The following LDB3 variants were observed in gnomAD, a reference collection of about 807,000 sequenced individuals.
LDB3 encodes the protein LIM domain binding 3.
LDB3 carries 49 observed loss-of-function variants against 69.0 expected under a neutral mutation model. The ratio of observed to expected loss-of-function variants is 0.71; its 90% confidence interval spans 0.56 to 0.90. The LOEUF (loss-of-function observed/expected upper bound fraction) is 0.90, where lower values mean the gene tolerates loss of function less well. Among genes scored for constraint, LDB3 ranks in the 40% least tolerant of loss-of-function variants. LDB3 has a pLI of 0.00. For synonymous variants in LDB3, 387 were observed against 396.2 expected, an observed-to-expected ratio of 0.98 and a Z score of 0.28; for missense variants, 928 against 974.1, an observed-to-expected ratio of 0.95 and a Z score of 0.63.
In LDB3 at chr10:86,699,678, G is replaced by A; in HGVS notation, c.897-6853G>A. The A allele has an allele frequency of 8.0e-7, 1 of 1,245,362 alleles. No individual in the cohort carries two copies. The highest frequency in any genetic ancestry group is 1.7e-5 in the South Asian group (1 of 57,336). The allele number at this position is 1,245,362 out of a possible 1,614,324, so 77.1% of individuals were successfully genotyped here. ...CTTAGCTGTAGACCAGAGAGGGCAG[G>A]AGGGGTTTGCTGGCATAACACCCCA... On this transcript the variant is annotated intron_variant, in intron 7 of 13. Transcript: ENST00000361373. This position sits in a 1 kb window ranked among gnomAD's most constrained non-coding sequence, Gnocchi z 4.9.
chr10:86,723,603 G>A (rs772726472), intron 12 of LDB3, among the ~76,000 whole-genome samples: 56 of 152,196 alleles, frequency 3.7e-4, no homozygotes, highest in Non-Finnish European at 7.3e-4. Context: ...TCCTCAGGTG[G>A]AGACGGGTCA....
Position 86,736,051 on chromosome 10 carries a change from C to T in LDB3, c.*3075C>T, listed in dbSNP as rs1847621047. 6.6e-6 allele frequency: 1 copy of T among 151,772 alleles called. No homozygotes were observed. Among genetic ancestry groups the T allele is most frequent in the South Asian group, 2.1e-4 (1 of 4,820 alleles). The allele number at this position is 151,772 out of a possible 1,614,324, so 9.4% of individuals were successfully genotyped here. A position where few individuals can be genotyped will look rare whatever the true frequency, so the allele number is the denominator to read the frequency against. On this transcript the variant is annotated 3_prime_UTR_variant, in exon 14 of 14. Coordinates refer to ENST00000361373, the MANE Select transcript of LDB3 (RefSeq NM_007078.3). ...TCTACTTTTTAGCAAAAATAAAGCC[C>T]CCCAAAGGATGTGCAAATACAGATT... is the stretch of plus-strand genomic sequence containing the variant.
chr10:86,685,246 C>T (rs1204873928), intron 5 of LDB3, among the ~76,000 whole-genome samples: 1 of 152,210 alleles, frequency 6.6e-6, no homozygotes, highest in Non-Finnish European at 1.5e-5. Flanking sequence ...GACTCTTAGT[C>T]CGGAGCTGCT....
intron 5 of LDB3, among the ~76,000 whole-genome samples, chr10:86,682,742 A>C (rs1326858600): frequency 6.6e-6 from 1 of 152,182 alleles, no homozygotes; most frequent in Non-Finnish European, 1.5e-5. Context: ...AAAGGGCCCA[A>C]CACTTGTAAA....
intron 8 of LDB3, among the ~76,000 whole-genome samples, chr10:86,709,358 T>G (rs1014050213): frequency 3.9e-5 from 6 of 152,054 alleles, no homozygotes; most frequent in African/African-American, 1.2e-4. Flanking sequence ...AGGAACTCTA[T>G]GCAGAAGAGG....
chr10:86,701,041 G>A (rs921929380), intron 7 of LDB3, among the ~76,000 whole-genome samples: 8 of 152,174 alleles, frequency 5.3e-5, no homozygotes, highest in Admixed American at 1.3e-4. Context: ...ACCAGGAAGC[G>A]TTGGTGTTTG....
intron 13 of LDB3, among the ~76,000 whole-genome samples, chr10:86,727,280 C>T (rs1847288312): frequency 6.6e-6 from 1 of 152,116 alleles, no homozygotes; most frequent in Non-Finnish European, 1.5e-5. Context: ...CCTTGGCCTC[C>T]CCAAGTTGTG....
At chr10:86,682,438 C>T (rs924872918) in intron 5 of LDB3, among the ~76,000 whole-genome samples, 2 of 152,088 alleles carry the variant, frequency 1.3e-5, no homozygotes, top group Non-Finnish European at 2.9e-5. Flanking sequence ...ACAGCAGCCT[C>T]ACCCCTAAGG....
At chr10:86,732,147 A>G (rs1033780561) in intron 13 of LDB3, among the ~76,000 whole-genome samples, 1 of 151,622 alleles carries the variant, frequency 6.6e-6, no homozygotes, top group African/African-American at 2.4e-5. Flanking sequence ...GCCTGGAGTC[A>G]GGGGAGTTTT....
intron 2 of LDB3, among the ~76,000 whole-genome samples, chr10:86,670,595 A>G (rs1844417285): frequency 6.6e-6 from 1 of 152,212 alleles, no homozygotes; most frequent in Non-Finnish European, 1.5e-5. Flanking sequence ...GGCCCCGGCC[A>G]GCCAGGGGCT....
At chr10:86,731,167 A>C (rs1164536766) in intron 13 of LDB3, among the ~76,000 whole-genome samples, 1 of 151,554 alleles carries the variant, frequency 6.6e-6, no homozygotes, top group African/African-American at 2.4e-5. Flanking sequence ...AAAAAAAAAA[A>C]AGAATTTCAT....
chr10:86,700,121 G>T, intron 7 of LDB3: 2 of 936,228 alleles, frequency 2.1e-6, no homozygotes, highest in Non-Finnish European at 2.5e-6. Flanking sequence ...ATCTGGGACA[G>T]AGAGAGGACA....
At chr10:86,687,590 G>C (rs924832474) in intron 5 of LDB3, among the ~76,000 whole-genome samples, 1 of 152,236 alleles carries the variant, frequency 6.6e-6, no homozygotes, top group South Asian at 2.1e-4. Flanking sequence ...CTCTTAACAA[G>C]GGGACCATTC....
intron 2 of LDB3, among the ~76,000 whole-genome samples, chr10:86,676,219 T>C (rs1206924021): frequency 1.3e-5 from 2 of 152,146 alleles, no homozygotes; most frequent in Non-Finnish European, 2.9e-5. Context: ...CTCTGCAGAT[T>C]CCAGGGCAGG....
intron 12 of LDB3, 126 bp from the exon 13 acceptor site, chr10:86,726,010 TG>T: frequency 1.4e-6 from 1 of 701,822 alleles, no homozygotes. Context: ...GTATTTCATC[TG>T]TGAGATGACA....
At chr10:86,721,251 T>A (rs1352819535) in intron 12 of LDB3, among the ~76,000 whole-genome samples, 1 of 152,244 alleles carries the variant, frequency 6.6e-6, no homozygotes, top group Non-Finnish European at 1.5e-5. Flanking sequence ...TTCTGTTTTT[T>A]AAAAAATAGT....
At chr10:86,708,945 G>A (rs1169561995) in intron 8 of LDB3, among the ~76,000 whole-genome samples, 1 of 152,184 alleles carries the variant, frequency 6.6e-6, no homozygotes, top group Non-Finnish European at 1.5e-5. Context: ...CAGACAGAAG[G>A]AAGGCAGAAA....
At position 86,679,411 on chromosome 10, in the gene LDB3, T is replaced by G; in HGVS notation, c.138T>G (p.Gly46=). The change falls in exon 3 of 14, where the codon GGT becomes GGG. Residue 46 remains glycine (G), a synonymous_variant. Transcript: ENST00000361373. ...SKAAQSQLSQ[G]DLVVAIDGVN... ...CAGCCCAGTCCCAGCTCAGCCAGGG[T>G]GACCTCGTGGTGGCCATTGACGGCG... 1 of 1,614,078 alleles carries G rather than the reference T, an allele frequency of 6.2e-7. No homozygotes were observed. The highest frequency in any genetic ancestry group is 8.5e-7 in the Non-Finnish European group (1 of 1,180,010).
At chr10:86,731,256 G>T (rs551516050) in intron 13 of LDB3, among the ~76,000 whole-genome samples, 3 of 116,990 alleles carry the variant, frequency 2.6e-5, no homozygotes, top group East Asian at 5.1e-4. Context: ...ACGGAATCTC[G>T]CTCTGTCGCC....
Sources: gnomAD v4.1 joint callset for allele counts (sites outside exome capture counted in the v4.1 genomes callset) on GRCh38, gnomAD v4.1.1 for gene constraint, Gnocchi (gnomAD v3.1) non-coding constraint, MANE v1.5 for transcripts, NCBI Gene and HGNC (gene_info 2026-07-23, HGNC 2026-07-21) for gene names.